Variants in RAPGEF5 observed in about 807,000 individuals in gnomAD.
RAPGEF5 encodes Rap guanine nucleotide exchange factor 5.
A neutral mutation model predicts 125.2 loss-of-function variants in RAPGEF5; 65 were observed. The observed-to-expected ratio is 0.52, with a 90% CI of 0.43 to 0.64. The LOEUF (loss-of-function observed/expected upper bound fraction) is 0.64, where lower values mean the gene tolerates loss of function less well. Among genes scored for constraint, RAPGEF5 ranks in the 30% least tolerant of loss-of-function variants. The pLI is 0.00. For synonymous variants in RAPGEF5, 391 were observed against 385.9 expected, an observed-to-expected ratio of 1.01 and a Z score of -0.16; for missense variants, 958 against 1,048.1, an observed-to-expected ratio of 0.91 and a Z score of 1.19.
At chr7:22,312,722 T>G (rs905436197) in intron 3 of RAPGEF5, among the ~76,000 whole-genome samples, 2 of 152,230 alleles carry the variant, frequency 1.3e-5, no homozygotes, top group Non-Finnish European at 2.9e-5. Flanking sequence ...ATATGATCCC[T>G]TTCTATTTCC....
chr7:22,219,722 T>G (rs1785732146), intron 9 of RAPGEF5, 144 bp downstream of exon 9: 39 of 1,155,866 alleles, frequency 3.4e-5, no homozygotes, highest in Non-Finnish European at 4.2e-5. Flanking sequence ...CTGTCATTTT[T>G]ACTAAGGAGG....
rs1784431968 is a variant in RAPGEF5 at position 22,356,873 on chromosome 7, C to T, written c.188G>A (p.Ser63Asn). ...CCGCTTCCTCCGCAGCGTGAGCCCG[C>T]TCCGCAGCAGCGCGGGCAGGTCCCT... ...RLRDLPALLRSGLTLRRKRSA... is the reference protein window; with the variant it reads ...RLRDLPALLRNGLTLRRKRSA... The change falls in exon 1 of 26, where the codon AGC becomes AAC. Residue 63 changes from serine (S) to asparagine (N), a missense_variant. By Grantham distance (46) the Ser-to-Asn change is conservative. Transcript: ENST00000665637. 2 of 1,159,820 alleles carry T rather than the reference C, an allele frequency of 1.7e-6. No homozygotes were observed. Among genetic ancestry groups the T allele is most frequent in the Admixed American group, 9.5e-5 (2 of 21,140 alleles). The allele number at this position is 1,159,820 out of a possible 1,614,324, so 71.8% of individuals were successfully genotyped here. A position where few individuals can be genotyped will look rare whatever the true frequency, so the allele number is the denominator to read the frequency against.
intron 14 of RAPGEF5, among the ~76,000 whole-genome samples, chr7:22,158,922 CTG>C (rs1255533642): frequency 3.9e-5 from 6 of 152,226 alleles, no homozygotes; most frequent in African/African-American, 1.2e-4. Flanking sequence ...GTGTGAGTCA[CTG>C]TGCCTGCCAA....
intron 7 of RAPGEF5, among the ~76,000 whole-genome samples, chr7:22,264,972 C>A (rs1782247139): frequency 6.6e-6 from 1 of 151,986 alleles, no homozygotes; most frequent in South Asian, 2.1e-4. Context: ...CTCCTGCAAT[C>A]TTTTTTTTAG....
At chr7:22,356,569 C>T (rs1335346579) in intron 1 of RAPGEF5, 1 of 171,420 alleles carries the variant, frequency 5.8e-6, no homozygotes, top group Non-Finnish European at 1.2e-5. Context: ...TGCCCGGTCC[C>T]GCAGCCTGAA....
At chr7:22,189,869 G>A (rs1359416178) in intron 11 of RAPGEF5, among the ~76,000 whole-genome samples, 1 of 152,142 alleles carries the variant, frequency 6.6e-6, no homozygotes, top group Non-Finnish European at 1.5e-5. Context: ...TAAACAAAAA[G>A]GGAGCTTGTC....
chr7:22,186,409 A>C (rs10264066), intron 11 of RAPGEF5, among the ~76,000 whole-genome samples: 37,742 of 152,202 alleles, frequency 0.25, 5,948 homozygotes, highest in Non-Finnish European at 0.35. Flanking sequence ...CTTTAAATAC[A>C]TTAAAAGATC....
At chr7:22,337,247 G>T (rs78432431) in intron 1 of RAPGEF5, among the ~76,000 whole-genome samples, 14,207 of 152,226 alleles carry the variant, frequency 0.093, 704 homozygotes, top group South Asian at 0.17. Context: ...AATCATAGAG[G>T]TGTGGAAAAT....
intron 7 of RAPGEF5, among the ~76,000 whole-genome samples, chr7:22,257,951 A>T (rs1782043726): frequency 6.6e-6 from 1 of 152,226 alleles, no homozygotes; most frequent in South Asian, 2.1e-4. Context: ...CTCTAATGAA[A>T]TATTATAATA....
intron 11 of RAPGEF5, among the ~76,000 whole-genome samples, chr7:22,190,195 G>T (rs1388052350): frequency 6.6e-6 from 1 of 152,054 alleles, no homozygotes; most frequent in Non-Finnish European, 1.5e-5. Flanking sequence ...CAGGAGAATC[G>T]CTTGAACCCG....
At chr7:22,178,220 A>C (rs192249603) in intron 11 of RAPGEF5, among the ~76,000 whole-genome samples, 29 of 152,320 alleles carry the variant, frequency 1.9e-4, no homozygotes, top group African/African-American at 5.8e-4. Context: ...GGTAAAAACT[A>C]AAAAAATTGT....
intron 13 of RAPGEF5, 116 bp downstream of exon 13, chr7:22,162,281 T>C: frequency 9.1e-7 from 1 of 1,098,360 alleles, no homozygotes; most frequent in Non-Finnish European, 1.3e-6. Context: ...GAATCACAAC[T>C]TGACTATCAC....
intron 6 of RAPGEF5, among the ~76,000 whole-genome samples, chr7:22,286,332 G>C (rs999798042): frequency 6.6e-6 from 1 of 152,082 alleles, no homozygotes; most frequent in African/African-American, 2.4e-5. Context: ...TACCAAATAG[G>C]CATCTAATAT....
intron 8 of RAPGEF5, among the ~76,000 whole-genome samples, chr7:22,223,722 G>A (rs950546491): frequency 6.6e-6 from 1 of 152,040 alleles, no homozygotes; most frequent in African/African-American, 2.4e-5. Context: ...GAAATACAGG[G>A]GTAAATATGC....
chr7:22,281,747 C>T (rs1021751937), intron 6 of RAPGEF5, among the ~76,000 whole-genome samples: 1 of 152,174 alleles, frequency 6.6e-6, no homozygotes, highest in Non-Finnish European at 1.5e-5. Flanking sequence ...AACTTATGAA[C>T]CTCATTCTCC....
intron 1 of RAPGEF5, among the ~76,000 whole-genome samples, chr7:22,337,186 G>C (rs1784042390): frequency 6.6e-6 from 1 of 152,168 alleles, no homozygotes; most frequent in Non-Finnish European, 1.5e-5. Context: ...ACAGTTTGGT[G>C]GGCAGGGGCT....
At chr7:22,193,644 C>G in intron 10 of RAPGEF5, 189 bp from the exon 11 acceptor site, 1 of 1,550,714 alleles carries the variant, frequency 6.4e-7, no homozygotes, top group Non-Finnish European at 8.7e-7. Context: ...CAAAGACCCT[C>G]AGCCGGGAGC....
At chr7:22,272,071 C>T (rs1327973785) in intron 6 of RAPGEF5, among the ~76,000 whole-genome samples, 1 of 151,840 alleles carries the variant, frequency 6.6e-6, no homozygotes, top group Non-Finnish European at 1.5e-5. Flanking sequence ...GGGCCGGGCG[C>T]GGTGGCTCAT....
intron 6 of RAPGEF5, among the ~76,000 whole-genome samples, chr7:22,286,469 A>T (rs1782799556): frequency 6.6e-6 from 1 of 152,210 alleles, no homozygotes; most frequent in African/African-American, 2.4e-5. Context: ...ACAATTTCCA[A>T]CATAAAAACT....
Sources: gnomAD v4.1 joint callset for allele counts (sites outside exome capture counted in the v4.1 genomes callset) on GRCh38, gnomAD v4.1.1 for gene constraint, MANE v1.5 for transcripts, NCBI Gene and HGNC (gene_info 2026-07-23, HGNC 2026-07-21) for gene names.